Variants in DPF3 observed in about 807,000 individuals in gnomAD.
DPF3 encodes double PHD fingers 3, also known as zinc finger protein DPF3.
Under a neutral mutation model 56.8 loss-of-function variants are expected in DPF3, and 18 were observed. The observed-to-expected ratio is 0.32, with a 90% CI of 0.22 to 0.47. The LOEUF (loss-of-function observed/expected upper bound fraction) is 0.47. Among genes scored for constraint, DPF3 ranks in the 20% least tolerant of loss-of-function variants. The pLI, the probability that DPF3 is intolerant of heterozygous loss-of-function variation, is 1.00. For synonymous variants in DPF3, 188 were observed against 180.2 expected (o/e 1.04, Z -0.35); for missense variants, 403 against 488.8 (o/e 0.82, Z 1.65).
In DPF3 at chr14:72,720,513, T is replaced by TGG. The variant is rs1488823229; in HGVS notation, c.525+3119_525+3120insCC. ...CAACATGGAACCATTCAGCTGCTGC[T>TGG]TGGCCAGTATCTGGTGGGCCCAGAG... On this transcript the variant is annotated intron_variant, in intron 5 of 10. Coordinates refer to ENST00000556509, the MANE Select transcript of DPF3 (RefSeq NM_001280542.3). Among the ~76,000 whole-genome samples the TGG allele has an allele frequency of 3.3e-5, 5 of 152,340 alleles. No individual in the cohort carries two copies. In the East Asian group the frequency reaches 9.7e-4, roughly 29 times the overall value.
rs1334918620 is a variant in DPF3, at chr14:72,618,344, A to T, written c.*953T>A. On this transcript the variant is annotated 3_prime_UTR_variant, in exon 11 of 11. Coordinates refer to ENST00000556509, the MANE Select transcript of DPF3 (RefSeq NM_001280542.3). ...GTTTCTCAAAGCTGCAGCCCCCTGT[A>T]TCCAGCATTCGGACACATGATTGGG... is the stretch of plus-strand genomic sequence containing the variant. 6.6e-6 allele frequency among the ~76,000 whole-genome samples: 1 copy of T among 152,152 alleles called. No individual in the cohort carries two copies. Among genetic ancestry groups the T allele is most frequent in the Non-Finnish European group, 1.5e-5 (1 of 68,018 alleles).
chr14:72,636,976 C>G (rs527770483), intron 8 of DPF3, among the ~76,000 whole-genome samples: 18 of 152,242 alleles, frequency 1.2e-4, no homozygotes, highest in Non-Finnish European at 2.5e-4. Flanking sequence ...GCATCCAGCT[C>G]CACTCCTCTT....
At chr14:72,645,002 C>T (rs1344666082) in intron 8 of DPF3, among the ~76,000 whole-genome samples, 1 of 152,222 alleles carries the variant, frequency 6.6e-6, no homozygotes, top group African/African-American at 2.4e-5. Flanking sequence ...CACAGCACTC[C>T]AAGTGGCTGT....
intron 1 of DPF3, among the ~76,000 whole-genome samples, chr14:72,796,495 T>C (rs1892651528): frequency 1.3e-5 from 2 of 152,110 alleles, no homozygotes; most frequent in Admixed American, 1.3e-4. Context: ...AGAGTGAGAT[T>C]TATTTATCAC....
chr14:72,774,083 G>A (rs193149786), intron 1 of DPF3: 25 of 414,044 alleles, frequency 6.0e-5, no homozygotes, highest in East Asian at 3.6e-4. Flanking sequence ...TCAGGAGTTC[G>A]AGACCAGCCT....
In DPF3 at chr14:72,764,519, C is replaced by T. The variant is rs530346786; in HGVS notation, c.193+7214G>A. ...TTTTTTTTTTTTTTTTTTTTTGAGG[C>T]GGAATGTCGCCCAGGCTGGAGTGCA... On this transcript the variant is annotated intron_variant, in intron 2 of 10. Transcript: ENST00000556509. Among the ~76,000 whole-genome samples, 11 of 80,984 alleles carry T rather than the reference C, an allele frequency of 1.4e-4. No homozygotes were observed. In the South Asian group the frequency reaches 2.6e-3, roughly 19 times the overall value. The allele number at this position is 80,984 out of a possible 152,430, so 53.1% of individuals were successfully genotyped here.
chr14:72,818,217 G>A (rs1282273268), intron 1 of DPF3, among the ~76,000 whole-genome samples: 2 of 151,960 alleles, frequency 1.3e-5, no homozygotes, highest in African/African-American at 4.8e-5. Context: ...CTCCAGCTTG[G>A]GCAACAGAGC....
chr14:72,768,522 G>A (rs1019124960), intron 2 of DPF3, among the ~76,000 whole-genome samples: 14 of 152,180 alleles, frequency 9.2e-5, no homozygotes, highest in Non-Finnish European at 7.4e-5. Context: ...TTTTGATATT[G>A]TAAGATGTAT....
chr14:72,718,405 G>A (rs142430573), intron 5 of DPF3, among the ~76,000 whole-genome samples: 2 of 152,212 alleles, frequency 1.3e-5, no homozygotes, highest in African/African-American at 4.8e-5. Flanking sequence ...GTCCTTTCAG[G>A]GACTCTGCAG....
chr14:72,674,203 T>A, intron 8 of DPF3, 37 bp downstream of exon 8: 1 of 1,598,790 alleles, frequency 6.3e-7, no homozygotes, highest in Non-Finnish European at 8.5e-7. Context: ...GCATTCCTGG[T>A]CTACGGGCAC....
intron 8 of DPF3, among the ~76,000 whole-genome samples, chr14:72,657,250 T>C (rs1380971915): frequency 6.6e-6 from 1 of 152,212 alleles, no homozygotes; most frequent in African/African-American, 2.4e-5. Context: ...CCCCACTCAT[T>C]GTCTCCTATC....
chr14:72,803,532 G>C (rs1478485995), intron 1 of DPF3, among the ~76,000 whole-genome samples: 1 of 152,200 alleles, frequency 6.6e-6, no homozygotes, highest in Non-Finnish European at 1.5e-5. Flanking sequence ...TTAGATACAA[G>C]ACACAAGCCC....
At chr14:72,890,018 TATA>T (rs951889508) in intron 1 of DPF3, among the ~76,000 whole-genome samples, 4 of 152,208 alleles carry the variant, frequency 2.6e-5, no homozygotes, top group African/African-American at 9.6e-5. Flanking sequence ...AGTAGGCAAT[TATA>T]ATAATAGACA....
intron 6 of DPF3, among the ~76,000 whole-genome samples, chr14:72,713,498 C>T (rs1218829246): frequency 2.6e-5 from 4 of 152,190 alleles, no homozygotes; most frequent in Non-Finnish European, 4.4e-5. Flanking sequence ...GAGGGAGACC[C>T]GTGCCAGGGT....
chr14:72,772,308 G>A (rs1268988851), intron 1 of DPF3, among the ~76,000 whole-genome samples: 1 of 152,054 alleles, frequency 6.6e-6, no homozygotes, highest in African/African-American at 2.4e-5. Context: ...TATTCTCAGA[G>A]GTCACCAGCA....
intron 1 of DPF3, among the ~76,000 whole-genome samples, chr14:72,858,063 G>T (rs1274549470): frequency 6.6e-6 from 1 of 152,046 alleles, no homozygotes; most frequent in Non-Finnish European, 1.5e-5. Context: ...CCAGGACTTT[G>T]GGAGGCTCAG....
At chr14:72,656,047 G>A (rs1042668187) in intron 8 of DPF3, among the ~76,000 whole-genome samples, 1 of 152,206 alleles carries the variant, frequency 6.6e-6, no homozygotes, top group Admixed American at 6.5e-5. Flanking sequence ...GAGACCAAAT[G>A]TAACTGGTCA....
chr14:72,788,545 T>A (rs531039231), intron 1 of DPF3, among the ~76,000 whole-genome samples: 15 of 152,252 alleles, frequency 9.9e-5, no homozygotes, highest in Admixed American at 2.6e-4. Flanking sequence ...TGCTCTCTAA[T>A]AATTACCTTG....
chr14:72,826,544 C>G (rs12433603), intron 1 of DPF3, among the ~76,000 whole-genome samples: 12,819 of 152,114 alleles, frequency 0.084, 733 homozygotes, highest in South Asian at 0.18. Context: ...CTCTTTTCAG[C>G]GAAAAGGAGA....
Sources: gnomAD v4.1 joint callset for allele counts (sites outside exome capture counted in the v4.1 genomes callset) on GRCh38, gnomAD v4.1.1 for gene constraint, MANE v1.5 for transcripts, NCBI Gene and HGNC (gene_info 2026-07-23, HGNC 2026-07-21) for gene names.